Variants in CHDH observed in about 807,000 individuals in gnomAD.
CHDH encodes the protein choline dehydrogenase.
Under a neutral mutation model 56.9 loss-of-function variants are expected in CHDH, and 43 were observed. That is an observed-to-expected ratio of 0.76 (90% CI 0.59 to 0.97). The LOEUF is 0.97. CHDH is among the 50% of genes least tolerant of loss of function. CHDH has a pLI of 0.00. For missense variants in CHDH, 816 were observed against 821.1 expected (o/e 0.99, Z 0.08); for synonymous variants, 364 against 348.5 (o/e 1.04, Z -0.50).
intron 2 of CHDH, among the ~76,000 whole-genome samples, chr3:53,829,282 C>T (rs550286964): frequency 4.6e-5 from 7 of 152,136 alleles, no homozygotes; most frequent in African/African-American, 7.2e-5. Context: ...ATTTTTAGGG[C>T]GGGGAACTAA....
At position 53,822,548 on chromosome 3, in the gene CHDH, T is replaced by C. The variant is rs777295106; in HGVS notation, c.798A>G (p.Leu266=). ...CGCCCACTGCACGGGTGCCCTCAAA[T>C]AGCACCCTGCTCACAAGCGTCTCGG... ...AEAETLVSRV[L]FEGTRAVGVE... The change falls in exon 4 of 9, where the codon CTA becomes CTG. Residue 266 remains leucine, a synonymous_variant. Transcript: ENST00000315251. 2.5e-6 allele frequency: 4 copies of C among 1,613,604 alleles called. No homozygotes were observed. Among genetic ancestry groups the C allele is most frequent in the South Asian group, 2.2e-5 (2 of 91,084 alleles).
At position 53,823,328 on chromosome 3, in the gene CHDH, C is replaced by G; in HGVS notation, c.681G>C (p.Trp227Cys). 1.9e-6 allele frequency: 3 copies of G among 1,581,906 alleles called. No individual in the cohort carries two copies. The highest frequency in any genetic ancestry group is 2.3e-5 in the South Asian group (2 of 87,002). ...TACCTTCATGGATGGTCATGTCCAT[C>G]CAGCCGAAGCCCTCCTGCTGGAAGC... ...MNGFQQEGFG[W>C]MDMTIHEGKR... Residue 227 changes from tryptophan (W) to cysteine (C), a missense_variant, in exon 3 of 9, where the codon TGG becomes TGC. Trp to Cys is a radical substitution (Grantham distance 215). Transcript: ENST00000315251.
chr3:53,819,108 G>T lies in CHDH; in HGVS notation c.1264-68C>A. Reference sequence around the variant, plus strand: ...ATCCACAGTGACCTCTGTCAACCCTGGTTTACCTGTAGGGTGGGCCTCTGC... The same window carrying T: ...ATCCACAGTGACCTCTGTCAACCCTTGTTTACCTGTAGGGTGGGCCTCTGC... On this transcript the variant is annotated intron_variant, in intron 7 of 8. Transcript: ENST00000315251. The surrounding 1 kb of genome is among the most constrained non-coding windows in gnomAD (Gnocchi z 5.4). 1 of 1,104,436 alleles carries T rather than the reference G, an allele frequency of 9.1e-7. No homozygotes were observed. 68.4% of individuals were successfully genotyped at this position (1,104,436 alleles called of 1,614,324 possible). A position where few individuals can be genotyped will look rare whatever the true frequency, so the allele number is the denominator to read the frequency against.
At chr3:53,842,319 A>G (rs1443229567) in intron 1 of CHDH, among the ~76,000 whole-genome samples, 1 of 152,184 alleles carries the variant, frequency 6.6e-6, no homozygotes, top group African/African-American at 2.4e-5. Context: ...AATAACAAAT[A>G]AATTCAAGTA....
Position 53,819,846 on chromosome 3 carries a change from A to G in CHDH, c.1121-172T>C, listed in dbSNP as rs1476133527. Among the ~76,000 whole-genome samples, 1 of 152,144 alleles carries G rather than the reference A, an allele frequency of 6.6e-6. No homozygotes were observed. The highest frequency in any genetic ancestry group is 1.5e-5 in the Non-Finnish European group (1 of 68,032). ...TCTGTTCACCCCTCACAGGGGGCTC[A>G]CCCAGCACCACACCATAAAATGTCA... On this transcript the variant is annotated intron_variant, in intron 6 of 8. Coordinates refer to ENST00000315251, the MANE Select transcript of CHDH (RefSeq NM_018397.5). The surrounding 1 kb of genome is among the most constrained non-coding windows in gnomAD (Gnocchi z 5.4).
At chr3:53,835,309 G>T (rs769069944) in intron 2 of CHDH, among the ~76,000 whole-genome samples, 19 of 152,200 alleles carry the variant, frequency 1.2e-4, no homozygotes, top group Non-Finnish European at 2.6e-4. Flanking sequence ...CAAGGCTCAG[G>T]TAGGCCTAGC....
intron 2 of CHDH, among the ~76,000 whole-genome samples, chr3:53,837,929 A>G (rs1485909434): frequency 6.6e-6 from 1 of 151,850 alleles, no homozygotes; most frequent in Non-Finnish European, 1.5e-5. Context: ...GTGGTGGCAC[A>G]CGCCTTGTAG....
rs143449485 is a variant in CHDH at position 53,817,883 on chromosome 3, G to A, written c.1679C>T (p.Thr560Ile). The change falls in exon 9 of 9, where the codon ACA becomes ATA. Residue 560 changes from threonine (T) to isoleucine (I), a missense_variant. Transcript: ENST00000315251. ...AGCTGCCTTCTCTGCGATCATGATT[G>A]TGGGGGCGTTCAGGTTGCCGCTGAC... ...SMVSGNLNAPTIMIAEKAADI... is the reference protein window; with the variant it reads ...SMVSGNLNAPIIMIAEKAADI... The A allele has an allele frequency of 8.9e-4, 1,439 of 1,614,208 alleles. 17 individuals carry two copies. In the Admixed American group the frequency reaches 0.022, roughly 24 times the overall value.
chr3:53,818,218 G>GTC, intron 8 of CHDH, 23 bp from the exon 9 acceptor site: 1 of 1,570,454 alleles, frequency 6.4e-7, no homozygotes. Context: ...AGAAACAGGT[G>GTC]AGGACCCCTC....
At position 53,833,321 on chromosome 3, in the gene CHDH, A is replaced by G. The variant is rs1698396770; in HGVS notation, c.-60+7608T>C. ...CCACCCCGTATCACAACTCTGCTCC[A>G]ACACCTCCCCTTGATACTCCCACCC... On this transcript the variant is annotated intron_variant, in intron 2 of 8. Transcript: ENST00000315251. Among the ~76,000 whole-genome samples, 3 of 152,094 alleles carry G rather than the reference A, an allele frequency of 2.0e-5. No homozygotes were observed. The South Asian group carries it at 6.2e-4, about 31-fold the overall frequency.
chr3:53,820,333 G>A, intron 6 of CHDH, 141 bp downstream of exon 6: 1 of 1,026,322 alleles, frequency 9.7e-7, no homozygotes. Context: ...TTTGAAGATG[G>A]AAAAACTGAG....
chr3:53,825,082 T>C (rs2095636545), intron 2 of CHDH, among the ~76,000 whole-genome samples: 1 of 152,086 alleles, frequency 6.6e-6, no homozygotes, highest in East Asian at 1.9e-4. Flanking sequence ...GAAGAACTCT[T>C]CAGAGCTCCA....
intron 1 of CHDH, among the ~76,000 whole-genome samples, chr3:53,845,564 C>A (rs1454600341): frequency 6.6e-6 from 1 of 152,062 alleles, no homozygotes; most frequent in African/African-American, 2.4e-5. Context: ...GTGAACTTTC[C>A]CCCAAACCCA....
Position 53,823,707 on chromosome 3 carries a change from T to A in CHDH, c.302A>T (p.Asp101Val). Residue 101 changes from aspartate to valine, a missense_variant, in exon 3 of 9, where the codon GAC becomes GTC. Coordinates refer to ENST00000315251, the MANE Select transcript of CHDH (RefSeq NM_018397.5). ...TGTGTGGTAGCACCAGTTGTACCTG[T>A]CGTCGCACAGGTTGGCCACCAGGGC... ...PAALVANLCD[D>V]RYNWCYHTEV... The A allele has an allele frequency of 6.4e-7, 1 of 1,550,528 alleles. No individual in the cohort carries two copies.
At chr3:53,837,420 G>T (rs916294474) in intron 2 of CHDH, among the ~76,000 whole-genome samples, 1 of 152,190 alleles carries the variant, frequency 6.6e-6, no homozygotes, top group East Asian at 1.9e-4. Flanking sequence ...GGGCAGATGG[G>T]ACTGGGCTGA....
Position 53,822,472 on chromosome 3 carries a change from C to T in CHDH, c.855+19G>A. ...CTGCCCACCCCCTTCTTCCAGGACC[C>T]CAGCTGCAGTCCACTCACCCTGTGG... is the stretch of plus-strand genomic sequence containing the variant. On this transcript the variant is annotated intron_variant, in intron 4 of 8. Transcript: ENST00000315251. The T allele has an allele frequency of 1.3e-6, 2 of 1,596,808 alleles. No individual in the cohort carries two copies. Among genetic ancestry groups the T allele is most frequent in the African/African-American group, 2.7e-5 (2 of 74,806 alleles).
intron 2 of CHDH, among the ~76,000 whole-genome samples, chr3:53,839,796 A>G (rs1698616221): frequency 6.6e-6 from 1 of 152,264 alleles, no homozygotes; most frequent in Non-Finnish European, 1.5e-5. Context: ...AATAGCCAAG[A>G]CATGGAATCA....
At chr3:53,826,102 A>G (rs889694710) in intron 2 of CHDH, among the ~76,000 whole-genome samples, 3 of 152,170 alleles carry the variant, frequency 2.0e-5, no homozygotes, top group African/African-American at 7.2e-5. Flanking sequence ...ATAAGCCTAT[A>G]TCTATTAAAG....
intron 3 of CHDH, among the ~76,000 whole-genome samples, chr3:53,822,883 A>G (rs1047478562): frequency 6.6e-6 from 1 of 152,158 alleles, no homozygotes; most frequent in Non-Finnish European, 1.5e-5. Flanking sequence ...GGACACAGAG[A>G]CCAGGAGCAC....
Sources: gnomAD v4.1 joint callset for allele counts (sites outside exome capture counted in the v4.1 genomes callset) on GRCh38, gnomAD v4.1.1 for gene constraint, Gnocchi (gnomAD v3.1) non-coding constraint, MANE v1.5 for transcripts, NCBI Gene and HGNC (gene_info 2026-07-23, HGNC 2026-07-21) for gene names.